TENM3: variants seen among roughly 807,000 people sequenced by gnomAD.
The protein encoded by TENM3 is teneurin transmembrane protein 3, also known as teneurin-3.
TENM3 carries 63 observed loss-of-function variants against 255.1 expected under a neutral mutation model. The observed-to-expected ratio is 0.25, with a 90% CI of 0.20 to 0.30. The LOEUF (loss-of-function observed/expected upper bound fraction) is 0.30, where lower values mean the gene tolerates loss of function less well. Among genes scored for constraint, TENM3 ranks in the 10% least tolerant of loss-of-function variants. The pLI is 1.00. For missense variants in TENM3, 2,929 were observed against 3,461.1 expected (o/e 0.85, Z 3.86); for synonymous variants, 1,306 against 1,322.3 (o/e 0.99, Z 0.27).
At chr4:182,652,431 C>T (rs2037067) in intron 5 of TENM3, among the ~76,000 whole-genome samples, 61,249 of 152,014 alleles carry the variant, frequency 0.4, 13,085 homozygotes, top group East Asian at 0.71. Context: ...AAGAACTGTC[C>T]AGCTTTGTGC....
intron 1 of TENM3, among the ~76,000 whole-genome samples, chr4:182,283,585 C>T (rs146753749): frequency 1.3e-5 from 2 of 152,264 alleles, no homozygotes; most frequent in African/African-American, 4.8e-5. Context: ...TGGCAGAGCT[C>T]ATCTGTAGAG....
chr4:182,670,712 A>G (rs940240701), intron 6 of TENM3, among the ~76,000 whole-genome samples: 5 of 152,098 alleles, frequency 3.3e-5, no homozygotes, highest in African/African-American at 9.7e-5. Context: ...GTAAGTGTGA[A>G]TTTTTTGTGA....
the TENM3 span, among the ~76,000 whole-genome samples, chr4:181,767,454 T>A: frequency 6.6e-6 from 1 of 152,022 alleles, no homozygotes; most frequent in Non-Finnish European, 1.5e-5. Context: ...ATGTGTAAGC[T>A]GGAATCAAAC....
At chr4:182,755,475 G>C (rs1265509008) in intron 22 of TENM3, 1 of 485,616 alleles carries the variant, frequency 2.1e-6, no homozygotes, top group Non-Finnish European at 3.6e-6. Flanking sequence ...CCAGGACTTC[G>C]AGGCCACAGT....
chr4:182,590,747 C>CG (rs1486977219), intron 3 of TENM3, among the ~76,000 whole-genome samples: 2 of 142,130 alleles, frequency 1.4e-5, no homozygotes, highest in East Asian at 2.0e-4. Flanking sequence ...CCCAACTACT[C>CG]GGGGGGCAGG....
At chr4:182,213,989 G>A (rs1432190158) in intron 1 of TENM3, among the ~76,000 whole-genome samples, 1 of 152,074 alleles carries the variant, frequency 6.6e-6, no homozygotes, top group East Asian at 1.9e-4. Context: ...TTTTAGTAGA[G>A]ACGGGGTTTC....
the TENM3 span, among the ~76,000 whole-genome samples, chr4:181,671,144 CT>C: frequency 5.9e-5 from 9 of 152,048 alleles, no homozygotes; most frequent in Non-Finnish European, 1.3e-4. Flanking sequence ...TGAGAGTTGC[CT>C]AATATGAGGT....
intron 3 of TENM3, among the ~76,000 whole-genome samples, chr4:182,585,461 C>T (rs9884247): frequency 0.33 from 50,577 of 151,916 alleles, 9,742 homozygotes; most frequent in East Asian, 0.48. Flanking sequence ...CTGATCCTGC[C>T]GCATTAGCAT....
At position 182,619,999 on chromosome 4, in the gene TENM3, G is replaced by C. The variant is rs188750680; in HGVS notation, c.750-8652G>C. Among the ~76,000 whole-genome samples, 158 of 152,302 alleles carry C rather than the reference G, an allele frequency of 1.0e-3. 1 individual carries two copies. The highest frequency in any genetic ancestry group is 3.5e-3 in the African/African-American group (144 of 41,556). On this transcript the variant is annotated intron_variant, in intron 4 of 27. Coordinates refer to ENST00000511685, the MANE Select transcript of TENM3 (RefSeq NM_001080477.4). The stretch of plus-strand genomic sequence containing the variant: ...TTCATTCCCAAATATGGTCTGAGAA[G>C]TAAAGAAAATTTCTGCCTTTATTCT...
At chr4:182,575,554 C>G (rs989527718) in intron 3 of TENM3, among the ~76,000 whole-genome samples, 13 of 152,066 alleles carry the variant, frequency 8.5e-5, no homozygotes, top group African/African-American at 3.1e-4. Flanking sequence ...CCATCTGCTG[C>G]TCCCTTGAAG....
At chr4:182,459,385 C>T (rs1034152760) in intron 3 of TENM3, among the ~76,000 whole-genome samples, 1 of 151,876 alleles carries the variant, frequency 6.6e-6, no homozygotes, top group Non-Finnish European at 1.5e-5. Flanking sequence ...TACATTATAG[C>T]CCTTTCACGT....
At chr4:181,913,098 G>A in the TENM3 span, among the ~76,000 whole-genome samples, 22 of 152,210 alleles carry the variant, frequency 1.4e-4, no homozygotes, top group East Asian at 1.4e-3. Flanking sequence ...AAAATAACAC[G>A]GAGAGGAAAA....
At chr4:182,322,033 T>C (rs1763086429) in intron 1 of TENM3, among the ~76,000 whole-genome samples, 1 of 152,168 alleles carries the variant, frequency 6.6e-6, no homozygotes, top group Admixed American at 6.5e-5. Flanking sequence ...AATCCTTTGG[T>C]ATAAAAATAG....
intron 1 of TENM3, among the ~76,000 whole-genome samples, chr4:182,159,474 GTGTGTGTGTGTA>G (rs1750956271): frequency 1.6e-5 from 2 of 124,780 alleles, no homozygotes; most frequent in African/African-American, 5.2e-5. Flanking sequence ...GTGTGTGTGT[GTGTGTGTGTGTA>G]TCAGGATGGT....
At chr4:182,616,393 G>A (rs1749519806) in intron 4 of TENM3, among the ~76,000 whole-genome samples, 1 of 147,140 alleles carries the variant, frequency 6.8e-6, no homozygotes, top group South Asian at 2.2e-4. Context: ...GAGTGGGGAG[G>A]GATAGCATTG....
chr4:182,566,741 C>T (rs1172719985), intron 3 of TENM3, among the ~76,000 whole-genome samples: 5 of 152,152 alleles, frequency 3.3e-5, no homozygotes, highest in Admixed American at 3.3e-4. Context: ...GGAATATGCC[C>T]TCATGCCTCC....
At chr4:182,540,712 A>G (rs1007363642) in intron 3 of TENM3, among the ~76,000 whole-genome samples, 1 of 152,192 alleles carries the variant, frequency 6.6e-6, no homozygotes, top group Admixed American at 6.5e-5. Flanking sequence ...CATGTCAAGA[A>G]CTGGGCTAGG....
At chr4:182,325,958 C>CAGCCTTGATCCAGT (rs1561323633) in intron 2 of TENM3, among the ~76,000 whole-genome samples, 6 of 151,984 alleles carry the variant, frequency 3.9e-5, no homozygotes, top group Admixed American at 1.3e-4. Flanking sequence ...CTTGATCCAG[C>CAGCCTTGATCCAGT]GCAGACTGTT....
At chr4:182,263,219 C>T (rs1353246625) in intron 1 of TENM3, among the ~76,000 whole-genome samples, 1 of 152,036 alleles carries the variant, frequency 6.6e-6, no homozygotes, top group African/African-American at 2.4e-5. Flanking sequence ...GAGAAGACCC[C>T]CGACCCAAAG....
Sources: allele counts gnomAD v4.1 joint callset (sites outside exome capture counted in the v4.1 genomes callset), GRCh38; gene constraint gnomAD v4.1.1; transcripts MANE v1.5; gene names NCBI Gene and HGNC (gene_info 2026-07-23, HGNC 2026-07-21).